BAZ2B: variants seen among roughly 807,000 people sequenced by gnomAD.
The protein encoded by BAZ2B is bromodomain adjacent to zinc finger domain 2B.
Under a neutral mutation model 246.0 loss-of-function variants are expected in BAZ2B, and 91 were observed. The ratio of observed to expected loss-of-function variants is 0.37; its 90% CI spans 0.31 to 0.44. The LOEUF (loss-of-function observed/expected upper bound fraction) is 0.44. BAZ2B is among the 20% of genes least tolerant of loss of function. The pLI is 1.00. For synonymous variants in BAZ2B, 855 were observed against 860.0 expected, an observed-to-expected ratio of 0.99 and a Z score of 0.10; for missense variants, 2,332 against 2,533.7, an observed-to-expected ratio of 0.92 and a Z score of 1.71.
chr2:159,677,247 A>G, the BAZ2B span, among the ~76,000 whole-genome samples: 32 of 151,910 alleles, frequency 2.1e-4, no homozygotes, highest in South Asian at 6.6e-3. Flanking sequence ...AAGATAAGAA[A>G]GAGGAAAAAG....
chr2:159,478,503 G>C, intron 3 of BAZ2B, 72 bp downstream of exon 3: 1 of 1,458,950 alleles, frequency 6.9e-7, no homozygotes, highest in Non-Finnish European at 9.2e-7. Flanking sequence ...ATTTTATTCA[G>C]TGCTCAATAA....
chr2:159,517,484 C>T (rs2083552734), intron 2 of BAZ2B, among the ~76,000 whole-genome samples: 1 of 151,856 alleles, frequency 6.6e-6, no homozygotes, highest in South Asian at 2.1e-4. Flanking sequence ...ATAAAATTTG[C>T]ATTTATCTTT....
the BAZ2B span, among the ~76,000 whole-genome samples, chr2:159,681,530 T>C: frequency 6.6e-6 from 1 of 152,048 alleles, no homozygotes; most frequent in Non-Finnish European, 1.5e-5. Context: ...ACAGATCTGA[T>C]AAATGCTAGA....
At chr2:159,685,079 T>C in the BAZ2B span, among the ~76,000 whole-genome samples, 6 of 152,332 alleles carry the variant, frequency 3.9e-5, no homozygotes, top group Admixed American at 3.3e-4. Context: ...CATATTAAAC[T>C]AGACTGCTTA....
chr2:159,610,361 T>C (rs1694444019), intron 1 of BAZ2B, among the ~76,000 whole-genome samples: 1 of 152,178 alleles, frequency 6.6e-6, no homozygotes, highest in African/African-American at 2.4e-5. Flanking sequence ...TTAGATTTAT[T>C]TATGTCCTAG....
At chr2:159,427,149 G>T (rs73967866) in intron 13 of BAZ2B, among the ~76,000 whole-genome samples, 8,734 of 152,160 alleles carry the variant, frequency 0.057, 475 homozygotes, top group African/African-American at 0.13. Context: ...AGAATTACAA[G>T]AGTATTTCAC....
At chr2:159,592,913 A>G (rs1022358417) in intron 1 of BAZ2B, among the ~76,000 whole-genome samples, 1 of 152,174 alleles carries the variant, frequency 6.6e-6, no homozygotes, top group Non-Finnish European at 1.5e-5. Flanking sequence ...GAATTAGATA[A>G]ATTGATAAAG....
chr2:159,602,535 C>T (rs1247874931), intron 1 of BAZ2B, among the ~76,000 whole-genome samples: 1 of 152,164 alleles, frequency 6.6e-6, no homozygotes, highest in African/African-American at 2.4e-5. Flanking sequence ...AAGTTATTTA[C>T]ATCTATAGTA....
chr2:159,324,615 T>C (rs2063177061), intron 36 of BAZ2B, among the ~76,000 whole-genome samples, 196 bp downstream of exon 36: 1 of 145,186 alleles, frequency 6.9e-6, no homozygotes. Flanking sequence ...ACTATTCTAC[T>C]CTAACCAAAT....
rs73010637 is a variant in BAZ2B at position 159,609,358 on chromosome 2, G to T, written c.-46+6884C>A. ...TATTCTAATCCAGTTATAAAGTCAT[G>T]CCAATTTTCCCTTCTATCTTGCTTT... On this transcript the variant is annotated intron_variant, in intron 1 of 36. Transcript: ENST00000392783. 4.7e-3 allele frequency among the ~76,000 whole-genome samples: 710 copies of T among 152,270 alleles called. 6 individuals carry two copies. The highest frequency in any genetic ancestry group is 0.016 in the African/African-American group (666 of 41,550).
chr2:159,414,161 C>T (rs1350412186), intron 13 of BAZ2B, among the ~76,000 whole-genome samples: 1 of 151,950 alleles, frequency 6.6e-6, no homozygotes, highest in Admixed American at 6.6e-5. Context: ...TAAGCCTGGC[C>T]CAGAAAGGTA....
At chr2:159,389,093 ACAACCAACCAAC>A (rs113993624) in intron 21 of BAZ2B, among the ~76,000 whole-genome samples, 13 of 148,996 alleles carry the variant, frequency 8.7e-5, no homozygotes, top group East Asian at 8.0e-4. Context: ...CTGTCTGAAA[ACAACCAACCAAC>A]CAACCAACCA....
chr2:159,399,975 G>A (rs2064719391), intron 17 of BAZ2B, among the ~76,000 whole-genome samples: 3 of 152,172 alleles, frequency 2.0e-5, no homozygotes, highest in Admixed American at 1.3e-4. Context: ...ATGCCTTTGG[G>A]CTATTAAGGT....
chr2:159,705,751 A>C, the BAZ2B span, among the ~76,000 whole-genome samples: 1 of 152,184 alleles, frequency 6.6e-6, no homozygotes, highest in Admixed American at 6.5e-5. Flanking sequence ...TGATAATATC[A>C]AAGGATAAGT....
At chr2:159,488,623 G>T (rs1201389459) in intron 2 of BAZ2B, among the ~76,000 whole-genome samples, 5 of 151,974 alleles carry the variant, frequency 3.3e-5, no homozygotes, top group Admixed American at 2.0e-4. Context: ...CTTTTCATTG[G>T]TTTTTTATAT....
intron 1 of BAZ2B, among the ~76,000 whole-genome samples, chr2:159,560,988 TG>T (rs1400921741): frequency 6.6e-6 from 1 of 152,176 alleles, no homozygotes; most frequent in Non-Finnish European, 1.5e-5. Context: ...GGGAAACTGG[TG>T]ACAATGTGAT....
At chr2:159,589,040 A>G (rs1688694780) in intron 1 of BAZ2B, among the ~76,000 whole-genome samples, 2 of 152,238 alleles carry the variant, frequency 1.3e-5, no homozygotes, top group Admixed American at 1.3e-4. Context: ...CTTCAAAAGT[A>G]GGATATTCAA....
the BAZ2B span, among the ~76,000 whole-genome samples, chr2:159,681,038 A>G: frequency 6.6e-6 from 1 of 152,176 alleles, no homozygotes; most frequent in Non-Finnish European, 1.5e-5. Context: ...ATAGATCAAG[A>G]AGTAAAGGAG....
chr2:159,494,407 A>G (rs2080844061), intron 2 of BAZ2B, among the ~76,000 whole-genome samples: 1 of 152,184 alleles, frequency 6.6e-6, no homozygotes, highest in African/African-American at 2.4e-5. Flanking sequence ...GCTATATTAA[A>G]ATGATTACTA....
Sources: allele counts gnomAD v4.1 joint callset (sites outside exome capture counted in the v4.1 genomes callset), GRCh38; gene constraint gnomAD v4.1.1; transcripts MANE v1.5; gene names NCBI Gene and HGNC (gene_info 2026-07-23, HGNC 2026-07-21).